HPN: variants seen among roughly 807,000 people sequenced by gnomAD.
HPN encodes the protein serine protease hepsin.
A neutral mutation model predicts 55.9 loss-of-function variants in HPN; 13 were observed. That is an observed-to-expected ratio of 0.23 (90% confidence interval 0.15 to 0.37). HPN has a LOEUF of 0.37. HPN is among the 10% of genes least tolerant of loss of function. HPN has a pLI of 1.00. For missense variants in HPN, 451 were observed against 575.8 expected, an observed-to-expected ratio of 0.78 and a Z score of 2.22; for synonymous variants, 225 against 240.3, an observed-to-expected ratio of 0.94 and a Z score of 0.59.
chr19:35,054,770 C>T (rs377194718), intron 4 of HPN, among the ~76,000 whole-genome samples: 7 of 152,114 alleles, frequency 4.6e-5, no homozygotes, highest in Admixed American at 2.6e-4. Context: ...CTGGGGTGTG[C>T]GACGAGGCCT....
At chr19:35,064,411 C>T (rs1467047714) in intron 9 of HPN, among the ~76,000 whole-genome samples, 4 of 150,998 alleles carry the variant, frequency 2.6e-5, no homozygotes, top group Non-Finnish European at 5.9e-5. Flanking sequence ...TGCAATGGCG[C>T]AATCTCGGCT....
In HPN at chr19:35,060,478, G is replaced by T. The variant is rs1381660262; in HGVS notation, c.586G>T (p.Asp196Tyr). The stretch of plus-strand genomic sequence containing the variant: ...CTGTGGGGGATCCCTGCTCTCCGGG[G>T]ACTGGGTGCTGACAGCCGCCCACTG... Reference protein sequence around the residue: ...HLCGGSLLSGDWVLTAAHCFP... With the variant: ...HLCGGSLLSGYWVLTAAHCFP... Residue 196 changes from aspartate to tyrosine, a missense_variant, in exon 8 of 13, where the codon GAC becomes TAC. Physicochemically the swap from Asp to Tyr is radical, Grantham distance 160. Around this residue, in one of 2 missense-constraint regions of HPN, gnomAD observed 378 missense variants for 445.5 expected, o/e 0.85. Coordinates refer to ENST00000672452, the MANE Select transcript of HPN (RefSeq NM_001384133.1). 2.5e-6 allele frequency: 4 copies of T among 1,613,236 alleles called. No individual in the cohort carries two copies. Among genetic ancestry groups the T allele is most frequent in the Non-Finnish European group, 3.4e-6 (4 of 1,179,994 alleles).
intron 2 of HPN, among the ~76,000 whole-genome samples, chr19:35,048,084 AGGAAGG>A (rs2064366859): frequency 1.2e-5 from 1 of 83,902 alleles, no homozygotes; most frequent in Admixed American, 1.3e-4. Context: ...AAGAAAGAAA[AGGAAGG>A]AAGGAAGGAA....
chr19:35,063,346 G>A lies in HPN; in HGVS notation c.812-1904G>A, dbSNP rs975675838. ...GGGTTGGCATTATGTTTATTTTTAT[G>A]TTTATTTTATTTTTCATGATCTGTG... On this transcript the variant is annotated intron_variant, in intron 9 of 12. Transcript: ENST00000672452. Among the ~76,000 whole-genome samples the A allele has an allele frequency of 5.9e-5, 9 of 152,210 alleles. No individual in the cohort carries two copies. In the East Asian group the frequency reaches 1.7e-3, roughly 29 times the overall value.
intron 9 of HPN, among the ~76,000 whole-genome samples, chr19:35,062,730 A>C (rs2064550814): frequency 6.6e-6 from 1 of 152,018 alleles, no homozygotes; most frequent in East Asian, 1.9e-4. Context: ...AAACAAAAAA[A>C]ATTAGCTGGC....
intron 9 of HPN, among the ~76,000 whole-genome samples, chr19:35,064,402 G>C (rs1454739420): frequency 1.3e-5 from 2 of 151,902 alleles, no homozygotes; most frequent in Non-Finnish European, 2.9e-5. Flanking sequence ...AGGCTGGAGT[G>C]CAATGGCGCA....
At chr19:35,059,833 G>A (rs201682898) in intron 5 of HPN, 31 bp downstream of exon 5, 25 of 1,527,588 alleles carry the variant, frequency 1.6e-5, no homozygotes, top group East Asian at 2.3e-5. Context: ...GGTGGGAGCC[G>A]GGAGGGGCTG....
rs150556836 is a variant in HPN, at chr19:35,047,591, G to A, written c.17-1699G>A. Among the ~76,000 whole-genome samples the A allele has an allele frequency of 4.6e-3, 695 of 152,274 alleles. 26 individuals are homozygous for A. The South Asian group carries it at 0.095, about 21-fold the overall frequency. ...ATGAGAACGTGAACCCCTGAGAGTC[G>A]TAACCTTATCTGTCTTCTTTGGGTT... On this transcript the variant is annotated intron_variant, in intron 2 of 12. Transcript: ENST00000672452.
At position 35,049,282 on chromosome 19, in the gene HPN, T is replaced by C. The variant is rs1197077814; in HGVS notation, c.17-8T>C. ...CTGGCTGTGGCCCCAGCATGGTGTC[T>C]GTTGCAGGTGGCCGGACTGTGCCAT... On this transcript the variant is annotated splice_polypyrimidine_tract_variant and splice_region_variant and intron_variant, in intron 2 of 12. Coordinates refer to ENST00000672452, the MANE Select transcript of HPN (RefSeq NM_001384133.1). 1.3e-6 allele frequency: 2 copies of C among 1,524,598 alleles called. No homozygotes were observed. The highest frequency in any genetic ancestry group is 1.4e-5 in the African/African-American group (1 of 72,732). 94.4% of individuals were successfully genotyped at this position (1,524,598 alleles called of 1,614,324 possible).
intron 10 of HPN, 59 bp from the exon 11 acceptor site, chr19:35,065,480 G>T: frequency 6.3e-7 from 1 of 1,595,498 alleles, no homozygotes. Flanking sequence ...TGGGCACCAG[G>T]AGGGAAGGGG....
chr19:35,060,030 T>C (rs746847697), intron 6 of HPN, 34 bp downstream of exon 6: 49 of 1,610,358 alleles, frequency 3.0e-5, no homozygotes, highest in Non-Finnish European at 3.7e-5. Context: ...GGGCAACACC[T>C]CAGACCCCCA....
chr19:35,048,250 C>A (rs544335880), intron 2 of HPN, among the ~76,000 whole-genome samples: 1 of 152,306 alleles, frequency 6.6e-6, no homozygotes, highest in East Asian at 1.9e-4. Context: ...TGGCTGTACA[C>A]AGGGGACCTG....
chr19:35,066,183 A>C, intron 12 of HPN, 66 bp from the exon 13 acceptor site: 1 of 1,613,778 alleles, frequency 6.2e-7, no homozygotes, highest in East Asian at 2.2e-5. Context: ...TTCCTGGGGA[A>C]GGGAAGCCAG....
At chr19:35,059,563 A>C in intron 4 of HPN, 110 bp from the exon 5 acceptor site, 1 of 1,387,168 alleles carries the variant, frequency 7.2e-7, no homozygotes, top group Non-Finnish European at 9.9e-7. Context: ...GCTGGGGTTC[A>C]CGTCTACACC....
chr19:35,065,742 G>A, intron 11 of HPN, 61 bp downstream of exon 11: 1 of 1,606,944 alleles, frequency 6.2e-7, no homozygotes, highest in Non-Finnish European at 8.5e-7. Flanking sequence ...GAGATGCAGG[G>A]GAGTGGGTGG....
At chr19:35,042,238 G>A (rs72550236) in intron 1 of HPN, 1 of 1,324,858 alleles carries the variant, frequency 7.5e-7, no homozygotes, top group Non-Finnish European at 9.6e-7. Context: ...CAGGCATGGG[G>A]GTCCCCATCC....
upstream of HPN, among the ~76,000 whole-genome samples, chr19:35,041,358 C>G (rs1362874439): frequency 6.6e-6 from 1 of 152,016 alleles, no homozygotes; most frequent in African/African-American, 2.4e-5. Context: ...CGGGCACAGC[C>G]AGGACCTGGG....
intron 1 of HPN, 75 bp from the exon 2 acceptor site, chr19:35,042,378 C>A (rs2064302922): frequency 6.8e-7 from 1 of 1,471,100 alleles, no homozygotes; most frequent in African/African-American, 1.4e-5. Context: ...TGGATGGACG[C>A]CTGGGACTGG....
In HPN at chr19:35,066,378, T is replaced by C; in HGVS notation, c.*91T>C. The C allele has an allele frequency of 6.6e-7, 1 of 1,511,450 alleles. No homozygotes were observed. The highest frequency in any genetic ancestry group is 8.9e-7 in the Non-Finnish European group (1 of 1,122,298). 93.6% of individuals were successfully genotyped at this position (1,511,450 alleles called of 1,614,324 possible). ...GCCTAGGATGGGACGTTTTTCTTCT[T>C]GGGCCCGGTCCACAGGTCCAAGGAC... On this transcript the variant is annotated 3_prime_UTR_variant, in exon 13 of 13. Coordinates refer to ENST00000672452, the MANE Select transcript of HPN (RefSeq NM_001384133.1).
Sources: allele counts gnomAD v4.1 joint callset (sites outside exome capture counted in the v4.1 genomes callset), GRCh38; gene constraint gnomAD v4.1.1; regional missense constraint gnomAD v4.1.1; transcripts MANE v1.5; gene names NCBI Gene and HGNC (gene_info 2026-07-23, HGNC 2026-07-21).